Variants in MTERF3 observed in about 807,000 individuals in gnomAD.
MTERF3 encodes the protein mitochondrial transcription termination factor 3, also known as transcription termination factor 3, mitochondrial.
Under a neutral mutation model 40.5 loss-of-function variants are expected in MTERF3, and 40 were observed. The ratio of observed to expected loss-of-function variants is 0.99; its 90% confidence interval spans 0.77 to 1.29. MTERF3 has a LOEUF of 1.29. Among genes scored for constraint, MTERF3 ranks in the 50% most tolerant of loss-of-function variants. The probability of loss-of-function intolerance (pLI) is 0.00; values close to 1 mark genes in which losing one functional copy is unlikely to be tolerated. For missense variants in MTERF3, 452 were observed against 478.2 expected (o/e 0.95, Z 0.51); for synonymous variants, 158 against 166.6 (o/e 0.95, Z 0.40).
chr8:96,250,840 C>G, intron 4 of MTERF3, 66 bp downstream of exon 4: 1 of 1,453,350 alleles, frequency 6.9e-7, no homozygotes, highest in Non-Finnish European at 9.4e-7. Flanking sequence ...TTAAAGAATA[C>G]CTTCCACATA....
In MTERF3 at chr8:96,242,399, C is replaced by G. The variant is rs566581101; in HGVS notation, c.1059+1520G>C. ...GCTCCTCTCCATCTTTTAAACACCACTCCCTCTTCTACAGACAATTCAAAT... is the reference window on the plus strand; with the variant it reads ...GCTCCTCTCCATCTTTTAAACACCAGTCCCTCTTCTACAGACAATTCAAAT... On this transcript the variant is annotated intron_variant, in intron 7 of 7. Coordinates refer to ENST00000287025, the MANE Select transcript of MTERF3 (RefSeq NM_015942.5). Among the ~76,000 whole-genome samples the G allele has an allele frequency of 3.4e-4, 52 of 152,320 alleles. 1 individual carries two copies. In the South Asian group the frequency reaches 0.01, roughly 30 times the overall value.
chr8:96,246,472 C>T lies in MTERF3; in HGVS notation c.678-18G>A. 1.3e-6 allele frequency: 2 copies of T among 1,583,766 alleles called. No homozygotes were observed. The highest frequency in any genetic ancestry group is 1.4e-5 in the African/African-American group (1 of 73,254). On this transcript the variant is annotated intron_variant, in intron 4 of 7. Transcript: ENST00000287025. The stretch of plus-strand genomic sequence containing the variant: ...AAGCCACCCTAGAGAAACATAAATA[C>T]ATACGCATGTGATAAACACTTACAT...
intron 3 of MTERF3, among the ~76,000 whole-genome samples, chr8:96,256,100 A>G (rs1259263584): frequency 6.6e-6 from 1 of 152,246 alleles, no homozygotes; most frequent in Non-Finnish European, 1.5e-5. Context: ...GAGAAGTACC[A>G]AACCCAGAGA....
chr8:96,250,825 G>C (rs1051896005), intron 4 of MTERF3, 81 bp downstream of exon 4: 13 of 1,342,004 alleles, frequency 9.7e-6, no homozygotes, highest in Non-Finnish European at 1.3e-5. Context: ...TTGTGCAGCA[G>C]AGATTTAAAG....
At position 96,246,430 on chromosome 8, in the gene MTERF3, A is replaced by T. The variant is rs777211848; in HGVS notation, c.702T>A (p.Asn234Lys). The change falls in exon 5 of 8, where the codon AAT (asparagine) becomes AAA (lysine). Residue 234 changes from asparagine (N) to lysine (K), a missense_variant. Transcript: ENST00000287025. ...TCTGTGCAACATCTGCTTTACTGAA[A>T]TTTTTTGAATGCAGATAAGCCACCC... ...KTRVAYLHSKNFSKADVAQMV... is the reference protein window; with the variant it reads ...KTRVAYLHSKKFSKADVAQMV... 1.2e-6 allele frequency: 2 copies of T among 1,610,246 alleles called. No homozygotes were observed. The highest frequency in any genetic ancestry group is 1.7e-6 in the Non-Finnish European group (2 of 1,178,924).
At chr8:96,251,952 C>A (rs1313706332) in intron 3 of MTERF3, among the ~76,000 whole-genome samples, 1 of 152,136 alleles carries the variant, frequency 6.6e-6, no homozygotes, top group African/African-American at 2.4e-5. Context: ...TGGGAGGGAC[C>A]AGGTGGGAGG....
At chr8:96,254,317 G>A (rs976415307) in intron 3 of MTERF3, among the ~76,000 whole-genome samples, 1 of 151,972 alleles carries the variant, frequency 6.6e-6, no homozygotes, top group Non-Finnish European at 1.5e-5. Flanking sequence ...CAATTTTCAA[G>A]TATACATTAT....
chr8:96,257,013 G>A lies in MTERF3; in HGVS notation c.436C>T (p.Leu146Phe), dbSNP rs747976035. ...DPPLPPASFT[L>F]RDYVDHSETL... ...TCAGAATGATCCACATAGTCTCGAA[G>A]TGTGAATGAAGCTGGTGGCAATGGA... The change falls in exon 3 of 8, where the codon CTT becomes TTT. Residue 146 changes from leucine (L) to phenylalanine (F), a missense_variant. Leu to Phe is a conservative substitution (Grantham distance 22). Transcript: ENST00000287025. 7.4e-6 allele frequency: 12 copies of A among 1,613,946 alleles called. No individual in the cohort carries two copies. In the African/African-American group the frequency reaches 1.5e-4, roughly 20 times the overall value.
At position 96,250,670 on chromosome 8, in the gene MTERF3, A is replaced by AG. The variant is rs1324588867; in HGVS notation, c.677+235dup. Among the ~76,000 whole-genome samples, 3 of 38,714 alleles carry AG rather than the reference A, an allele frequency of 7.7e-5. 1 individual carries two copies. Among genetic ancestry groups the AG allele is most frequent in the African/African-American group, 4.1e-4 (3 of 7,316 alleles). 25.4% of individuals were successfully genotyped at this position (38,714 alleles called of 152,430 possible). On this transcript the variant is annotated intron_variant, in intron 4 of 7. Transcript: ENST00000287025. ...AAGAAGAAGAAGAAGAAGAAGAAGA[A>AG]GAAGAAGAAGAAGGAGGAGGAGGAG...
At chr8:96,257,793 C>A (rs148967360) in intron 2 of MTERF3, among the ~76,000 whole-genome samples, 1 of 152,242 alleles carries the variant, frequency 6.6e-6, no homozygotes, top group Non-Finnish European at 1.5e-5. Context: ...TCATTTATAG[C>A]CAGCATCTCC....
At chr8:96,259,766 C>T (rs1032986077) in intron 1 of MTERF3, among the ~76,000 whole-genome samples, 14 of 152,092 alleles carry the variant, frequency 9.2e-5, no homozygotes, top group Non-Finnish European at 1.9e-4. Context: ...TGGAATTCAG[C>T]TTGTTTTATG....
At chr8:96,249,785 A>G (rs1304645656) in intron 4 of MTERF3, among the ~76,000 whole-genome samples, 2 of 152,236 alleles carry the variant, frequency 1.3e-5, no homozygotes, top group Non-Finnish European at 2.9e-5. Context: ...CAAAGCAAAG[A>G]TTCAGAGAAA....
intron 6 of MTERF3, 52 bp from the exon 7 acceptor site, chr8:96,244,132 G>C: frequency 8.6e-6 from 13 of 1,514,924 alleles, no homozygotes; most frequent in East Asian, 2.3e-5. Flanking sequence ...AGTTATTTTG[G>C]TACCATGGCA....
chr8:96,239,720 C>T (rs1446879818), intron 7 of MTERF3, 35 bp from the exon 8 acceptor site: 3 of 1,498,436 alleles, frequency 2.0e-6, no homozygotes, highest in South Asian at 1.2e-5. Flanking sequence ...AAAAACACTG[C>T]ACACGGGAGG....
At chr8:96,258,017 C>T (rs549450778) in intron 2 of MTERF3, among the ~76,000 whole-genome samples, 2 of 152,120 alleles carry the variant, frequency 1.3e-5, no homozygotes, top group African/African-American at 4.8e-5. Flanking sequence ...ATTCATAGAA[C>T]TATATATCCC....
chr8:96,246,067 A>G, intron 5 of MTERF3, 136 bp from the exon 6 acceptor site: 1 of 859,610 alleles, frequency 1.2e-6, no homozygotes, highest in Middle Eastern at 2.3e-4. Flanking sequence ...AACCCCAGGA[A>G]TAGATAAGAT....
intron 7 of MTERF3, among the ~76,000 whole-genome samples, chr8:96,242,160 T>C (rs1252123091): frequency 2.0e-5 from 3 of 152,230 alleles, no homozygotes; most frequent in Non-Finnish European, 4.4e-5. Flanking sequence ...AGCCTTACTG[T>C]CCGTTAATGT....
At chr8:96,250,764 A>T in intron 4 of MTERF3, 142 bp downstream of exon 4, 2 of 614,864 alleles carry the variant, frequency 3.3e-6, no homozygotes, top group Non-Finnish European at 5.2e-6. Context: ...TACTTAATTT[A>T]GATCAAAGAA....
Position 96,246,425 on chromosome 8 carries a change from C to T in MTERF3, c.707G>A (p.Ser236Asn). The T allele has an allele frequency of 3.1e-6, 5 of 1,610,838 alleles. No individual in the cohort carries two copies. Among genetic ancestry groups the T allele is most frequent in the Non-Finnish European group, 4.2e-6 (5 of 1,179,062 alleles). Residue 236 changes from serine (S) to asparagine (N), a missense_variant, in exon 5 of 8, where the codon AGT becomes AAT. By Grantham distance (46) the Ser-to-Asn change is conservative. Transcript: ENST00000287025. ...GACCATCTGTGCAACATCTGCTTTA[C>T]TGAAATTTTTTGAATGCAGATAAGC... ...RVAYLHSKNFSKADVAQMVRK... is the reference protein window; with the variant it reads ...RVAYLHSKNFNKADVAQMVRK...
Sources: allele counts gnomAD v4.1 joint callset (sites outside exome capture counted in the v4.1 genomes callset), GRCh38; gene constraint gnomAD v4.1.1; transcripts MANE v1.5; gene names NCBI Gene and HGNC (gene_info 2026-07-23, HGNC 2026-07-21).